Variants in ACAT2 observed in about 807,000 individuals in gnomAD.
ACAT2 encodes the protein acetyl-CoA acetyltransferase 2.
A neutral mutation model predicts 37.1 loss-of-function variants in ACAT2; 26 were observed. The ratio of observed to expected loss-of-function variants is 0.70; its 90% CI spans 0.51 to 0.97. The LOEUF is 0.97. Among genes scored for constraint, ACAT2 ranks in the 50% least tolerant of loss-of-function variants. The pLI is 0.00. For missense variants in ACAT2, 468 were observed against 489.0 expected (o/e 0.96, Z 0.40); for synonymous variants, 156 against 163.6 (o/e 0.95, Z 0.35).
At chr6:159,767,859 T>C (rs9347340) in intron 3 of ACAT2, among the ~76,000 whole-genome samples, 106,747 of 152,124 alleles carry the variant, frequency 0.7, 38,373 homozygotes, top group South Asian at 0.78. Flanking sequence ...GATGGGATGA[T>C]ACTGACATCT....
chr6:159,777,073 C>T (rs1427111607), intron 6 of ACAT2, among the ~76,000 whole-genome samples: 1 of 152,238 alleles, frequency 6.6e-6, no homozygotes, highest in Admixed American at 6.5e-5. Flanking sequence ...AGGCGTGAGC[C>T]ACCACGCCCA....
intron 4 of ACAT2, among the ~76,000 whole-genome samples, chr6:159,770,663 A>C (rs1286519810): frequency 1.3e-5 from 2 of 152,198 alleles, no homozygotes; most frequent in East Asian, 3.8e-4. Context: ...AAAGAAAAAA[A>C]AATTCTGAAT....
chr6:159,772,248 GTAAA>G (rs1368865878), intron 4 of ACAT2, among the ~76,000 whole-genome samples: 6 of 152,032 alleles, frequency 3.9e-5, no homozygotes, highest in Admixed American at 3.3e-4. Flanking sequence ...AATAAATAGT[GTAAA>G]TAAATACTGT....
chr6:159,776,789 T>TC (rs776913864), intron 6 of ACAT2, among the ~76,000 whole-genome samples: 3 of 152,068 alleles, frequency 2.0e-5, no homozygotes, highest in Non-Finnish European at 2.9e-5. Flanking sequence ...ACTGCTGTAA[T>TC]CCTTTTTTTT....
At chr6:159,768,295 G>A (rs1334005069) in intron 3 of ACAT2, among the ~76,000 whole-genome samples, 3 of 152,138 alleles carry the variant, frequency 2.0e-5, no homozygotes, top group Non-Finnish European at 4.4e-5. Flanking sequence ...AAAATGGGTA[G>A]GTAGGAGAGT....
intron 1 of ACAT2, 85 bp from the exon 2 acceptor site, chr6:159,762,834 G>A (rs1315543872): frequency 1.0e-5 from 16 of 1,596,268 alleles, no homozygotes; most frequent in Non-Finnish European, 1.4e-5. Flanking sequence ...TTGCCAAACA[G>A]GGTCATGAGG....
Position 159,767,638 on chromosome 6 carries a change from C to T in ACAT2, c.372+452C>T, listed in dbSNP as rs565596667. Among the ~76,000 whole-genome samples the T allele has an allele frequency of 1.4e-4, 21 of 152,308 alleles. No individual in the cohort carries two copies. The South Asian group carries it at 2.7e-3, about 20-fold the overall frequency. On this transcript the variant is annotated intron_variant, in intron 3 of 8. Coordinates refer to ENST00000367048, the MANE Select transcript of ACAT2 (RefSeq NM_005891.3). ...GAGGACCACCAAGTGGTGCCCTTCT[C>T]CAGTAGGTTTGCCAGGCATGATTTG...
chr6:159,769,213 A>G (rs1209137151), intron 4 of ACAT2, among the ~76,000 whole-genome samples: 1 of 152,250 alleles, frequency 6.6e-6, no homozygotes, highest in Non-Finnish European at 1.5e-5. Flanking sequence ...GAAAAGTACA[A>G]GATTCCAAGA....
At chr6:159,770,666 T>A (rs962288561) in intron 4 of ACAT2, among the ~76,000 whole-genome samples, 1 of 150,916 alleles carries the variant, frequency 6.6e-6, no homozygotes, top group African/African-American at 2.4e-5. Context: ...GAAAAAAAAA[T>A]TCTGAATGGC....
chr6:159,762,170 G>C (rs897165426), intron 1 of ACAT2, 28 bp downstream of exon 1: 2 of 1,601,898 alleles, frequency 1.2e-6, no homozygotes, highest in East Asian at 2.3e-5. Context: ...GCCGCGCAGA[G>C]TCCGAGGCGC....
chr6:159,762,229 G>C, intron 1 of ACAT2, 87 bp downstream of exon 1: 1 of 1,463,964 alleles, frequency 6.8e-7, no homozygotes, highest in Non-Finnish European at 9.1e-7. Flanking sequence ...TAGGAGAGGG[G>C]CGTATGTGGA....
At chr6:159,765,467 C>G (rs188065968) in intron 2 of ACAT2, among the ~76,000 whole-genome samples, 1 of 147,904 alleles carries the variant, frequency 6.8e-6, no homozygotes, top group Non-Finnish European at 1.5e-5. Context: ...CTCACTCTGT[C>G]GCCCAGGCTG....
At chr6:159,770,828 G>T (rs368361803) in intron 4 of ACAT2, among the ~76,000 whole-genome samples, 8 of 152,306 alleles carry the variant, frequency 5.3e-5, no homozygotes, top group South Asian at 2.1e-4. Context: ...ACTTTGGGAG[G>T]CCAAGCCGGG....
chr6:159,776,626 C>T (rs1261136368), intron 6 of ACAT2, among the ~76,000 whole-genome samples: 1 of 152,204 alleles, frequency 6.6e-6, no homozygotes, highest in African/African-American at 2.4e-5. Flanking sequence ...AATTTGGTTT[C>T]TTGACATCCC....
intron 7 of ACAT2, 146 bp downstream of exon 7, chr6:159,777,602 T>C (rs1317293688): frequency 6.8e-6 from 7 of 1,031,270 alleles, no homozygotes; most frequent in Non-Finnish European, 9.6e-6. Flanking sequence ...TCTTGCTCTG[T>C]TGTCCAGGCT....
chr6:159,777,720 T>G (rs1780450546), intron 7 of ACAT2, among the ~76,000 whole-genome samples: 1 of 143,460 alleles, frequency 7.0e-6, no homozygotes, highest in Admixed American at 7.3e-5. Context: ...GCACCACGCC[T>G]TCTTCATTTC....
intron 2 of ACAT2, among the ~76,000 whole-genome samples, chr6:159,766,401 C>CA (rs1780256078): frequency 6.6e-6 from 1 of 151,596 alleles, no homozygotes; most frequent in South Asian, 2.1e-4. Context: ...AAGCACCCCC[C>CA]CGCACTTTTT....
rs147276880 is a variant in ACAT2 at position 159,771,360 on chromosome 6, A to G, written c.490+2732A>G. On this transcript the variant is annotated intron_variant, in intron 4 of 8. Transcript: ENST00000367048. ...ACGCCATTGCACTCCAGCCTGAGCA[A>G]CAAGAATGAAACTCCGTCTCAAAAA... is the stretch of plus-strand genomic sequence containing the variant. Among the ~76,000 whole-genome samples the G allele has an allele frequency of 2.3e-3, 356 of 152,334 alleles. 2 individuals are homozygous for G. Among genetic ancestry groups the G allele is most frequent in the Non-Finnish European group, 3.4e-3 (228 of 68,022 alleles).
rs112987462 is a variant in ACAT2, at chr6:159,776,422, T to C, written c.757+150T>C. The C allele has an allele frequency of 1.2e-5, 12 of 1,013,966 alleles. No individual in the cohort carries two copies. The African/African-American group carries it at 1.3e-4, about 11-fold the overall frequency. 62.8% of individuals were successfully genotyped at this position (1,013,966 alleles called of 1,614,324 possible). On this transcript the variant is annotated intron_variant, in intron 6 of 8. Transcript: ENST00000367048. ...AGGTTCGTGTGCAGCAATATGATCA[T>C]TGCTCACTTGCAGCCTCAAACTCCT...
Sources: gnomAD v4.1 joint callset for allele counts (sites outside exome capture counted in the v4.1 genomes callset) on GRCh38, gnomAD v4.1.1 for gene constraint, MANE v1.5 for transcripts, NCBI Gene and HGNC (gene_info 2026-07-23, HGNC 2026-07-21) for gene names.